The following EFNA5 variants were observed in gnomAD, a reference collection of about 807,000 sequenced individuals.
EFNA5 encodes the protein ephrin A5, also known as ephrin-A5.
Under a neutral mutation model 22.9 loss-of-function variants are expected in EFNA5, and 5 were observed. The observed-to-expected ratio is 0.22, with a 90% confidence interval of 0.11 to 0.46. The LOEUF (loss-of-function observed/expected upper bound fraction) is 0.46. Among genes scored for constraint, EFNA5 ranks in the 20% least tolerant of loss-of-function variants. The pLI is 0.99. For synonymous variants in EFNA5, 113 were observed against 112.2 expected (o/e 1.01, Z -0.04); for missense variants, 237 against 293.3 (o/e 0.81, Z 1.40).
rs78241929 is a variant in EFNA5 at position 107,636,223 on chromosome 5, A to G, written c.125+34266T>C. 2.5e-3 allele frequency among the ~76,000 whole-genome samples: 374 copies of G among 152,322 alleles called. 11 individuals carry two copies. In the East Asian group the frequency reaches 0.06, roughly 24 times the overall value. On this transcript the variant is annotated intron_variant, in intron 1 of 4. Coordinates refer to ENST00000333274, the MANE Select transcript of EFNA5 (RefSeq NM_001962.3). ...ACTCCTAAGACTCTCCTCAAGAGGT[A>G]TTCCAGATTAACATCACTGTTAAAT...
At chr5:107,517,043 T>C (rs1747495495) in intron 1 of EFNA5, among the ~76,000 whole-genome samples, 1 of 151,840 alleles carries the variant, frequency 6.6e-6, no homozygotes, top group Non-Finnish European at 1.5e-5. Context: ...ACACACGTCA[T>C]AAAATTATAT....
At chr5:107,439,296 T>G (rs1385184895) in intron 1 of EFNA5, among the ~76,000 whole-genome samples, 1 of 152,206 alleles carries the variant, frequency 6.6e-6, no homozygotes, top group Non-Finnish European at 1.5e-5. Context: ...AATCAACTTC[T>G]GCTAGACCTT....
At chr5:107,563,846 C>A (rs529183240) in intron 1 of EFNA5, among the ~76,000 whole-genome samples, 2 of 152,326 alleles carry the variant, frequency 1.3e-5, no homozygotes, top group African/African-American at 4.8e-5. Context: ...TCCAGTCTCA[C>A]CTGACCTTAA....
At chr5:107,662,863 T>G (rs1374698665) in intron 1 of EFNA5, among the ~76,000 whole-genome samples, 1 of 150,666 alleles carries the variant, frequency 6.6e-6, no homozygotes, top group Admixed American at 6.6e-5. Flanking sequence ...AAATCAGGAT[T>G]TGAGGGTGGA....
At chr5:107,639,237 A>C (rs952780520) in intron 1 of EFNA5, among the ~76,000 whole-genome samples, 1 of 152,218 alleles carries the variant, frequency 6.6e-6, no homozygotes, top group African/African-American at 2.4e-5. Context: ...AATTTGGAAA[A>C]AGTCAGAGGA....
chr5:107,400,585 A>G (rs1324768066), intron 2 of EFNA5, among the ~76,000 whole-genome samples: 2 of 152,228 alleles, frequency 1.3e-5, no homozygotes, highest in South Asian at 2.1e-4. Flanking sequence ...AGCAGGAACC[A>G]TTCTTTAATA....
chr5:107,401,015 A>G (rs1390814846), intron 2 of EFNA5, among the ~76,000 whole-genome samples: 1 of 152,244 alleles, frequency 6.6e-6, no homozygotes, highest in African/African-American at 2.4e-5. Context: ...TTTAACATGT[A>G]GTATAGTAAA....
chr5:107,455,740 T>C (rs1749683104), intron 1 of EFNA5, among the ~76,000 whole-genome samples: 1 of 152,152 alleles, frequency 6.6e-6, no homozygotes, highest in Non-Finnish European at 1.5e-5. Flanking sequence ...ACCCAGAATG[T>C]CTCTTTCTTT....
At chr5:107,404,271 G>A (rs1023830381) in intron 2 of EFNA5, among the ~76,000 whole-genome samples, 2 of 152,092 alleles carry the variant, frequency 1.3e-5, no homozygotes, top group Admixed American at 1.3e-4. Context: ...ACACATGATC[G>A]TTTTTAGGAA....
At chr5:107,641,222 G>A (rs1277295098) in intron 1 of EFNA5, among the ~76,000 whole-genome samples, 1 of 152,088 alleles carries the variant, frequency 6.6e-6, no homozygotes, top group African/African-American at 2.4e-5. Flanking sequence ...GCTGGGCATG[G>A]TGGTACGTGC....
At chr5:107,669,553 G>T (rs902938781) in intron 1 of EFNA5, among the ~76,000 whole-genome samples, 1 of 152,002 alleles carries the variant, frequency 6.6e-6, no homozygotes, top group African/African-American at 2.4e-5. Context: ...CACTTCCAGG[G>T]TCCGAAAACA....
intron 1 of EFNA5, among the ~76,000 whole-genome samples, chr5:107,487,662 T>G (rs182900984): frequency 6.6e-6 from 1 of 152,328 alleles, no homozygotes; most frequent in Admixed American, 6.5e-5. Context: ...TCATGATAAC[T>G]TCATGAGCAG....
At chr5:107,381,445 CTGT>C (rs1747457788) in intron 4 of EFNA5, 69 bp from the exon 5 acceptor site, 1 of 1,530,282 alleles carries the variant, frequency 6.5e-7, no homozygotes, top group South Asian at 1.2e-5. Flanking sequence ...CAGCAGCCTG[CTGT>C]TAACAGACCT....
At chr5:107,631,077 GC>G in intron 1 of EFNA5, among the ~76,000 whole-genome samples, 1 of 151,972 alleles carries the variant, frequency 6.6e-6, no homozygotes, top group Non-Finnish European at 1.5e-5. Flanking sequence ...AGGCTGTTTT[GC>G]AGTTAACTTT....
intron 1 of EFNA5, among the ~76,000 whole-genome samples, chr5:107,567,621 G>C (rs1391345001): frequency 6.6e-6 from 1 of 152,220 alleles, no homozygotes; most frequent in Non-Finnish European, 1.5e-5. Context: ...CCAAGAAAGG[G>C]AAGACAAAAG....
At chr5:107,419,092 G>C (rs1748586101) in intron 2 of EFNA5, among the ~76,000 whole-genome samples, 1 of 152,216 alleles carries the variant, frequency 6.6e-6, no homozygotes, top group Admixed American at 6.5e-5. Flanking sequence ...CAGAGGTACA[G>C]GTCTAGCTCC....
intron 1 of EFNA5, among the ~76,000 whole-genome samples, chr5:107,549,462 A>G (rs1748237552): frequency 1.3e-5 from 2 of 152,236 alleles, no homozygotes; most frequent in South Asian, 2.1e-4. Flanking sequence ...CATATTGTTA[A>G]TAAGTAGCAG....
chr5:107,404,685 CTGATGCCAGAA>C (rs1333756505), intron 2 of EFNA5, among the ~76,000 whole-genome samples: 1 of 152,092 alleles, frequency 6.6e-6, no homozygotes, highest in Non-Finnish European at 1.5e-5. Flanking sequence ...CCAAGTCTTC[CTGATGCCAGAA>C]CTATACAACC....
At chr5:107,502,267 C>T (rs1747152689) in intron 1 of EFNA5, among the ~76,000 whole-genome samples, 2 of 152,190 alleles carry the variant, frequency 1.3e-5, no homozygotes, top group South Asian at 2.1e-4. Flanking sequence ...TCTCATGACT[C>T]ACTGCAACAG....
Sources: allele counts gnomAD v4.1 joint callset (sites outside exome capture counted in the v4.1 genomes callset), GRCh38; gene constraint gnomAD v4.1.1; transcripts MANE v1.5; gene names NCBI Gene and HGNC (gene_info 2026-07-23, HGNC 2026-07-21).